Variants in PDE1C observed in about 807,000 individuals in gnomAD.
PDE1C encodes dual specificity calcium/calmodulin-dependent 3',5'-cyclic nucleotide phosphodiesterase 1C.
In PDE1C, 62 loss-of-function variants were observed where a neutral mutation model predicts 93.1. The ratio of observed to expected loss-of-function variants is 0.67; its 90% CI spans 0.54 to 0.82. PDE1C has a LOEUF of 0.82. Ranked by LOEUF, PDE1C falls within the 40% of genes least tolerant of loss-of-function variation. The pLI is 0.00. For synonymous variants in PDE1C, 325 were observed against 310.1 expected, an observed-to-expected ratio of 1.05 and a Z score of -0.50; for missense variants, 742 against 884.6, an observed-to-expected ratio of 0.84 and a Z score of 2.04.
At chr7:31,953,348 T>C (rs1435330073) in intron 2 of PDE1C, among the ~76,000 whole-genome samples, 1 of 152,124 alleles carries the variant, frequency 6.6e-6, no homozygotes, top group East Asian at 1.9e-4. Flanking sequence ...AGGGGAAATC[T>C]TGGGAGAGAG....
At chr7:32,306,808 C>T (rs1399497196) in intron 1 of PDE1C, among the ~76,000 whole-genome samples, 1 of 152,134 alleles carries the variant, frequency 6.6e-6, no homozygotes, top group African/African-American at 2.4e-5. Context: ...GCATAAAACA[C>T]ATACAAGAGG....
chr7:32,341,751 C>A (rs1463203824), intron 1 of PDE1C, among the ~76,000 whole-genome samples: 2 of 152,176 alleles, frequency 1.3e-5, no homozygotes, highest in African/African-American at 4.8e-5. Context: ...CCCTGCAGCA[C>A]TGAAAACACA....
chr7:32,401,430 G>A (rs1438261413), intron 1 of PDE1C, among the ~76,000 whole-genome samples: 1 of 151,770 alleles, frequency 6.6e-6, no homozygotes, highest in African/African-American at 2.4e-5. Context: ...CCAACTACTC[G>A]GGAGGCTGAG....
intron 2 of PDE1C, among the ~76,000 whole-genome samples, chr7:32,044,287 G>A (rs1040318345): frequency 1.3e-5 from 2 of 152,088 alleles, no homozygotes; most frequent in Non-Finnish European, 2.9e-5. Flanking sequence ...TATGAAAGAA[G>A]AAAGGATCAT....
intron 1 of PDE1C, among the ~76,000 whole-genome samples, chr7:32,382,522 T>G (rs396425): frequency 0.99 from 151,176 of 152,158 alleles, 75,109 homozygotes; most frequent in Middle Eastern, 1. Flanking sequence ...CTGGATATCT[T>G]GGCAGAGCCT....
intron 3 of PDE1C, among the ~76,000 whole-genome samples, chr7:32,097,589 T>C (rs1249300043): frequency 6.6e-6 from 1 of 152,104 alleles, no homozygotes; most frequent in Non-Finnish European, 1.5e-5. Context: ...AGAGAGAAAA[T>C]GCTCTAAGCC....
At chr7:31,907,787 T>C (rs186295429) in intron 2 of PDE1C, among the ~76,000 whole-genome samples, 1 of 152,156 alleles carries the variant, frequency 6.6e-6, no homozygotes, top group Non-Finnish European at 1.5e-5. Context: ...TGAGTTAACT[T>C]CTCTGTGCAG....
intron 1 of PDE1C, among the ~76,000 whole-genome samples, chr7:32,058,669 T>C (rs17160842): frequency 0.15 from 22,955 of 152,212 alleles, 2,179 homozygotes; most frequent in East Asian, 0.28. Flanking sequence ...CCATGATGCA[T>C]GTATTAAAAA....
intron 1 of PDE1C, among the ~76,000 whole-genome samples, chr7:32,223,444 G>T (rs1222239706): frequency 3.3e-5 from 5 of 152,200 alleles, no homozygotes; most frequent in African/African-American, 9.7e-5. Flanking sequence ...CATATAGCAA[G>T]TAAATGGCCC....
At chr7:31,622,823 G>T in the PDE1C span, among the ~76,000 whole-genome samples, 1 of 152,204 alleles carries the variant, frequency 6.6e-6, no homozygotes, top group East Asian at 1.9e-4. Context: ...CCAGGAGCTG[G>T]TTTTTTGAAA....
the PDE1C span, among the ~76,000 whole-genome samples, chr7:31,636,311 A>T: frequency 6.6e-6 from 1 of 152,296 alleles, no homozygotes; most frequent in East Asian, 1.9e-4. Context: ...GCTCTAACAT[A>T]TCACTCTGTG....
rs1785406055 is a variant in PDE1C at position 32,420,392 on chromosome 7, T to TATATATGTGTATATACAC, written c.310+7429_310+7430insGTGTATATACACATATAT. 1.5e-4 allele frequency among the ~76,000 whole-genome samples: 5 copies of TATATATGTGTATATACAC among 32,860 alleles called. 2 individuals carry two copies. In the East Asian group the frequency reaches 5.1e-3, roughly 34 times the overall value. 21.6% of individuals were successfully genotyped at this position (32,860 alleles called of 152,430 possible). A position where few individuals can be genotyped will look rare whatever the true frequency, so the allele number is the denominator to read the frequency against. On this transcript the variant is annotated intron_variant, in intron 1 of 1. Coordinates refer to the PDE1C transcript ENST00000672256. The stretch of plus-strand genomic sequence containing the variant: ...GTATATATATGTGTATATATATATA[T>TATATATGTGTATATACAC]ACACACACACACACACACACACATA...
chr7:31,846,447 A>G (rs1472294225), intron 9 of PDE1C, among the ~76,000 whole-genome samples: 1 of 151,524 alleles, frequency 6.6e-6, no homozygotes, highest in Non-Finnish European at 1.5e-5. Context: ...CTGAAACTGG[A>G]CCCCTTCCTT....
At chr7:32,387,207 A>C (rs1037129383) in intron 1 of PDE1C, among the ~76,000 whole-genome samples, 2 of 151,928 alleles carry the variant, frequency 1.3e-5, no homozygotes, top group African/African-American at 2.4e-5. Context: ...GTCACAGATC[A>C]ACAGGATCCC....
intron 7 of PDE1C, among the ~76,000 whole-genome samples, chr7:31,852,536 T>C (rs1327542839): frequency 1.3e-5 from 2 of 152,152 alleles, no homozygotes; most frequent in Non-Finnish European, 1.5e-5. Flanking sequence ...GGGCCCCCCA[T>C]GTGGCAGGCA....
At chr7:31,690,314 G>A in the PDE1C span, among the ~76,000 whole-genome samples, 1 of 152,188 alleles carries the variant, frequency 6.6e-6, no homozygotes, top group Non-Finnish European at 1.5e-5. Flanking sequence ...ATGCAGCTAT[G>A]CTATTTCATC....
chr7:31,923,551 T>C (rs1223007597), intron 2 of PDE1C, among the ~76,000 whole-genome samples: 1 of 152,218 alleles, frequency 6.6e-6, no homozygotes, highest in Non-Finnish European at 1.5e-5. Context: ...GCTAGTATTA[T>C]ACAAAGTTAA....
chr7:31,681,282 C>T, the PDE1C span, among the ~76,000 whole-genome samples: 1 of 152,108 alleles, frequency 6.6e-6, no homozygotes, highest in Non-Finnish European at 1.5e-5. Flanking sequence ...TGGTATTGTA[C>T]TTTATTCACC....
At chr7:32,267,790 C>A (rs1018120723) in intron 1 of PDE1C, among the ~76,000 whole-genome samples, 1 of 152,232 alleles carries the variant, frequency 6.6e-6, no homozygotes, top group South Asian at 2.1e-4. Context: ...CCAGCCAAGG[C>A]CATGCATGCC....
Sources: gnomAD v4.1 joint callset for allele counts (sites outside exome capture counted in the v4.1 genomes callset) on GRCh38, gnomAD v4.1.1 for gene constraint, MANE v1.5 for transcripts, NCBI Gene and HGNC (gene_info 2026-07-23, HGNC 2026-07-21) for gene names.